Variants in SND1 observed in about 807,000 individuals in gnomAD.
SND1 encodes staphylococcal nuclease domain-containing protein 1.
In SND1, 38 loss-of-function variants were observed where a neutral mutation model predicts 121.7. That is an observed-to-expected ratio of 0.31 (90% CI 0.24 to 0.41). The LOEUF (loss-of-function observed/expected upper bound fraction) is 0.41. Among genes scored for constraint, SND1 ranks in the 10% least tolerant of loss-of-function variants. The pLI is 1.00. For synonymous variants in SND1, 401 were observed against 447.4 expected (o/e 0.90, Z 1.31); for missense variants, 868 against 1,184.6 (o/e 0.73, Z 3.92).
intron 13 of SND1, among the ~76,000 whole-genome samples, chr7:127,901,770 C>G (rs1800236634): frequency 6.6e-6 from 1 of 152,058 alleles, no homozygotes; most frequent in Non-Finnish European, 1.5e-5. Context: ...CTTGAATGTG[C>G]CAGAAATTGA....
At chr7:127,853,277 A>G (rs749460120) in intron 12 of SND1, among the ~76,000 whole-genome samples, 8 of 152,204 alleles carry the variant, frequency 5.3e-5, no homozygotes, top group Non-Finnish European at 1.0e-4. Context: ...CCACACGTCC[A>G]TCTAAACTTC....
rs71160605 is a variant in SND1, at chr7:127,926,549, C to CTTTTTTTT, written c.1528-2623_1528-2616dup. On this transcript the variant is annotated intron_variant, in intron 14 of 23. Coordinates refer to ENST00000354725, the MANE Select transcript of SND1 (RefSeq NM_014390.4). The stretch of plus-strand genomic sequence containing the variant: ...GCTGTATGCCTTTGATTTTCTTTTT[C>CTTTTTTTT]TTTTTTTTTTTTTTTTTTTTTTTGT... Among the ~76,000 whole-genome samples, 623 of 90,586 alleles carry CTTTTTTTT rather than the reference C, an allele frequency of 6.9e-3. 2 individuals carry two copies. Among genetic ancestry groups the CTTTTTTTT allele is most frequent in the African/African-American group, 0.019 (414 of 22,082 alleles). 59.4% of individuals were successfully genotyped at this position (90,586 alleles called of 152,430 possible).
intron 16 of SND1, chr7:128,028,451 AACGTT>A: frequency 2.2e-6 from 1 of 450,364 alleles, no homozygotes; most frequent in Non-Finnish European, 3.9e-6. Context: ...TGTACCCCAC[AACGTT>A]CCCAAGATTC....
intron 16 of SND1, among the ~76,000 whole-genome samples, chr7:128,033,627 G>C (rs1484083858): frequency 6.6e-6 from 1 of 152,236 alleles, no homozygotes; most frequent in African/African-American, 2.4e-5. Context: ...TTGTAGGCAA[G>C]TTGGAGTCCC....
At chr7:127,682,163 C>T (rs1795737971) in intron 1 of SND1, among the ~76,000 whole-genome samples, 1 of 152,192 alleles carries the variant, frequency 6.6e-6, no homozygotes, top group Non-Finnish European at 1.5e-5. Context: ...TTATCAGAAT[C>T]TAGTGAAGAT....
chr7:127,725,694 T>C (rs985652411), intron 10 of SND1, among the ~76,000 whole-genome samples: 3 of 152,198 alleles, frequency 2.0e-5, no homozygotes, highest in Admixed American at 2.0e-4. Context: ...GGTCAATGGC[T>C]TTGGCATGGA....
intron 11 of SND1, among the ~76,000 whole-genome samples, chr7:127,839,557 A>G (rs1798926993): frequency 6.6e-6 from 1 of 152,182 alleles, no homozygotes; most frequent in African/African-American, 2.4e-5. Flanking sequence ...ACATTGTATG[A>G]AGAATATCCA....
chr7:127,679,882 G>A lies in SND1; in HGVS notation c.79-6731G>A, dbSNP rs907541464. On this transcript the variant is annotated intron_variant, in intron 1 of 23. Transcript: ENST00000354725. ...CTCTCTTTTTTTGGCTATTATGAAT[G>A]ATGTTGCAATGAGCATTGGTGTACA... Among the ~76,000 whole-genome samples the A allele has an allele frequency of 1.3e-5, 2 of 152,160 alleles. 1 individual carries two copies. Among genetic ancestry groups the A allele is most frequent in the Non-Finnish European group, 2.9e-5 (2 of 68,022 alleles).
At chr7:127,745,024 A>G (rs1368362292) in intron 10 of SND1, among the ~76,000 whole-genome samples, 2 of 152,232 alleles carry the variant, frequency 1.3e-5, no homozygotes, top group South Asian at 2.1e-4. Flanking sequence ...AGAACCTTAA[A>G]CTATAAAAAT....
At chr7:127,733,165 G>A (rs1227744674) in intron 10 of SND1, among the ~76,000 whole-genome samples, 2 of 152,092 alleles carry the variant, frequency 1.3e-5, no homozygotes, top group African/African-American at 4.8e-5. Context: ...ATAAGGGAGT[G>A]AGGAAAGAAG....
chr7:127,830,058 C>T (rs1461192202), intron 11 of SND1, among the ~76,000 whole-genome samples: 7 of 152,088 alleles, frequency 4.6e-5, no homozygotes, highest in Non-Finnish European at 8.8e-5. Flanking sequence ...AATAGTAAAT[C>T]TGTATGTTAA....
At chr7:127,885,217 A>G (rs1799873480) in intron 12 of SND1, among the ~76,000 whole-genome samples, 1 of 152,202 alleles carries the variant, frequency 6.6e-6, no homozygotes, top group Non-Finnish European at 1.5e-5. Flanking sequence ...AGGAAGATAA[A>G]CAATGAATGA....
chr7:127,705,560 T>G (rs1796173507), intron 8 of SND1, among the ~76,000 whole-genome samples: 1 of 151,546 alleles, frequency 6.6e-6, no homozygotes, highest in South Asian at 2.1e-4. Flanking sequence ...ACATTTCAAC[T>G]GTCAGCGTCA....
chr7:127,767,659 T>G (rs1424230280), intron 10 of SND1, among the ~76,000 whole-genome samples: 1 of 152,230 alleles, frequency 6.6e-6, no homozygotes, highest in African/African-American at 2.4e-5. Flanking sequence ...ACAAATCTAT[T>G]AATTCTCTTC....
intron 10 of SND1, among the ~76,000 whole-genome samples, chr7:127,749,649 T>C (rs1797049730): frequency 6.6e-6 from 1 of 152,196 alleles, no homozygotes; most frequent in African/African-American, 2.4e-5. Context: ...TGTAGATTAG[T>C]GGATGTAGAT....
intron 12 of SND1, among the ~76,000 whole-genome samples, 186 bp downstream of exon 12, chr7:127,844,610 C>A (rs962001160): frequency 6.6e-6 from 1 of 152,132 alleles, no homozygotes; most frequent in Non-Finnish European, 1.5e-5. Flanking sequence ...ATTAGCTAAT[C>A]GTATACTTTC....
chr7:127,714,483 T>C (rs1407554006), intron 9 of SND1, among the ~76,000 whole-genome samples: 2 of 152,236 alleles, frequency 1.3e-5, no homozygotes, highest in Non-Finnish European at 2.9e-5. Context: ...TTGTTTATAA[T>C]GACAAAATTC....
chr7:127,692,880 G>A lies in SND1; in HGVS notation c.229-1948G>A, dbSNP rs181878864. Among the ~76,000 whole-genome samples, 10 of 152,352 alleles carry A rather than the reference G, an allele frequency of 6.6e-5. No individual in the cohort carries two copies. The East Asian group carries it at 1.9e-3, about 29-fold the overall frequency. ...TAAGGGGAAGATGTTTCTTCAGCGA[G>A]CCTTAAAAGTTTTTTAGAAAAGTTC... is the stretch of plus-strand genomic sequence containing the variant. On this transcript the variant is annotated intron_variant, in intron 2 of 23. Transcript: ENST00000354725.
At chr7:127,867,380 T>C (rs1799496579) in intron 12 of SND1, among the ~76,000 whole-genome samples, 1 of 152,210 alleles carries the variant, frequency 6.6e-6, no homozygotes, top group African/African-American at 2.4e-5. Flanking sequence ...TATTTGTGCT[T>C]CCTAGGCTTC....
Sources: allele counts gnomAD v4.1 joint callset (sites outside exome capture counted in the v4.1 genomes callset), GRCh38; gene constraint gnomAD v4.1.1; transcripts MANE v1.5; gene names NCBI Gene and HGNC (gene_info 2026-07-23, HGNC 2026-07-21).